JMJD1C: variants seen among roughly 807,000 people sequenced by gnomAD.
The protein encoded by JMJD1C is jumonji domain-containing protein 1C.
In JMJD1C, 31 loss-of-function variants were observed where a neutral mutation model predicts 245.3. The ratio of observed to expected loss-of-function variants is 0.13; its 90% CI spans 0.09 to 0.17. The LOEUF (loss-of-function observed/expected upper bound fraction) is 0.17, where lower values mean the gene tolerates loss of function less well. JMJD1C is among the 10% of genes least tolerant of loss of function. The probability of loss-of-function intolerance (pLI) is 1.00; values close to 1 mark genes in which losing one functional copy is unlikely to be tolerated. For missense variants in JMJD1C, 2,691 were observed against 3,000.2 expected (o/e 0.90, Z 2.41); for synonymous variants, 1,057 against 1,017.4 (o/e 1.04, Z -0.74).
At chr10:63,413,296 T>C (rs1186712393) in intron 1 of JMJD1C, among the ~76,000 whole-genome samples, 2 of 152,212 alleles carry the variant, frequency 1.3e-5, no homozygotes, top group African/African-American at 4.8e-5. Flanking sequence ...TGGTCTGCTG[T>C]TGAGTATCAA....
intron 2 of JMJD1C, chr10:63,373,028 C>A: frequency 4.5e-6 from 1 of 221,336 alleles, no homozygotes; most frequent in East Asian, 1.6e-4. Context: ...GGAGCCAGGG[C>A]CCTAACCCAG....
intron 1 of JMJD1C, among the ~76,000 whole-genome samples, chr10:63,452,231 C>T (rs1952115287): frequency 6.6e-6 from 1 of 152,134 alleles, no homozygotes; most frequent in Non-Finnish European, 1.5e-5. Context: ...TAAAGAACTC[C>T]TATAACAAAG....
intron 1 of JMJD1C, among the ~76,000 whole-genome samples, chr10:63,421,194 C>T (rs1428303025): frequency 1.3e-5 from 2 of 151,890 alleles, no homozygotes; most frequent in East Asian, 1.9e-4. Context: ...ATTAGCCGGG[C>T]GTGGTGGCTC....
At chr10:63,301,577 C>T (rs9415687) in intron 2 of JMJD1C, among the ~76,000 whole-genome samples, 2,265 of 152,264 alleles carry the variant, frequency 0.015, 52 homozygotes, top group African/African-American at 0.051. Context: ...CCAAACACCG[C>T]GTGTTTTCAC....
rs200418707 is a variant in JMJD1C at position 63,213,629 on chromosome 10, T to C, written c.2538A>G (p.Gly846=). ...TATATGAAGCAGAAGGATGGGCTTG[T>C]CCAAGAAGATGAGGTGACTGGTGCT... ...LLQHQSPHLL[G]QAHPSASYNQ... is the part of the protein sequence containing the mutation. Residue 846 remains glycine, a synonymous_variant, in exon 8 of 26, where the codon GGA becomes GGG. Coordinates refer to ENST00000399262, the MANE Select transcript of JMJD1C (RefSeq NM_032776.3). 751 of 1,614,054 alleles carry C rather than the reference T, an allele frequency of 4.7e-4. 1 individual carries two copies. Among genetic ancestry groups the C allele is most frequent in the Non-Finnish European group, 5.0e-4 (592 of 1,180,010 alleles).
chr10:63,423,170 A>C (rs1317940299), intron 1 of JMJD1C, among the ~76,000 whole-genome samples: 1 of 152,068 alleles, frequency 6.6e-6, no homozygotes, highest in Non-Finnish European at 1.5e-5. Flanking sequence ...TCACCATGTT[A>C]GCCAGGCTGT....
At chr10:63,521,675 CG>C in intron 1 of JMJD1C, 1 of 894,774 alleles carries the variant, frequency 1.1e-6, no homozygotes, top group Non-Finnish European at 1.5e-6. Flanking sequence ...TGGGCCTGGG[CG>C]GGGACGGGGT....
intron 1 of JMJD1C, among the ~76,000 whole-genome samples, chr10:63,426,754 T>C (rs992832557): frequency 6.6e-6 from 1 of 152,030 alleles, no homozygotes; most frequent in East Asian, 1.9e-4. Flanking sequence ...AGAAAGAAAA[T>C]GAAATATATG....
At chr10:63,439,773 C>T (rs1020333925) in intron 1 of JMJD1C, among the ~76,000 whole-genome samples, 1 of 152,178 alleles carries the variant, frequency 6.6e-6, no homozygotes, top group Admixed American at 6.5e-5. Context: ...AAAAAAGTCA[C>T]TTATATGTCA....
In JMJD1C at chr10:63,167,847, T is replaced by C. The variant is rs549826240; in HGVS notation, c.*198A>G. On this transcript the variant is annotated 3_prime_UTR_variant, in exon 26 of 26. Coordinates refer to ENST00000399262, the MANE Select transcript of JMJD1C (RefSeq NM_032776.3). The stretch of plus-strand genomic sequence containing the variant: ...CTATATAGTGCTGCTTTTAAAATTC[T>C]GCTTGTTTTATAACATTGAATCACA... The C allele has an allele frequency of 1.1e-4, 56 of 498,122 alleles. No individual in the cohort carries two copies. The highest frequency in any genetic ancestry group is 6.1e-4 in the Admixed American group (18 of 29,458). The allele number at this position is 498,122 out of a possible 1,614,324, so 30.9% of individuals were successfully genotyped here.
rs1564583782 is a variant in JMJD1C, at chr10:63,194,392, CTT to C, written c.5645-19_5645-18del. On this transcript the variant is annotated intron_variant, in intron 13 of 25. Transcript: ENST00000399262. ...GTTCTTTATCTGTAAGATAATAAAA[CTT>C]GTATATCACACTCATGGTTTCATAA... The C allele has an allele frequency of 4.2e-6, 6 of 1,439,008 alleles. No homozygotes were observed. In the South Asian group the frequency reaches 5.7e-5, roughly 14 times the overall value. The allele number at this position is 1,439,008 out of a possible 1,614,324, so 89.1% of individuals were successfully genotyped here.
At chr10:63,209,330 G>T in intron 8 of JMJD1C, 95 bp from the exon 9 acceptor site, 1 of 937,262 alleles carries the variant, frequency 1.1e-6, no homozygotes, top group African/African-American at 1.7e-5. Flanking sequence ...GATCTTGGTG[G>T]TTTATTAGTT....
At chr10:63,237,009 A>T (rs1363002185) in intron 3 of JMJD1C, among the ~76,000 whole-genome samples, 1 of 152,020 alleles carries the variant, frequency 6.6e-6, no homozygotes, top group African/African-American at 2.4e-5. Context: ...TCAATGATTG[A>T]TTCATACAGA....
intron 3 of JMJD1C, among the ~76,000 whole-genome samples, chr10:63,224,464 C>CT (rs1257416780): frequency 6.6e-6 from 1 of 152,212 alleles, no homozygotes; most frequent in East Asian, 1.9e-4. Context: ...ATTCCTCCCC[C>CT]TCGTCTACAT....
intron 1 of JMJD1C, among the ~76,000 whole-genome samples, chr10:63,399,559 T>C (rs1948723988): frequency 6.6e-6 from 1 of 152,182 alleles, no homozygotes; most frequent in Admixed American, 6.5e-5. Context: ...TGCAACAACA[T>C]AAACTCATTT....
chr10:63,487,632 T>C (rs1443554568), intron 1 of JMJD1C, among the ~76,000 whole-genome samples: 1 of 152,134 alleles, frequency 6.6e-6, no homozygotes, highest in Non-Finnish European at 1.5e-5. Flanking sequence ...AAGACACTGA[T>C]CAGAGTTAAG....
intron 2 of JMJD1C, among the ~76,000 whole-genome samples, chr10:63,315,621 C>T (rs759148967): frequency 6.6e-6 from 1 of 151,626 alleles, no homozygotes; most frequent in Non-Finnish European, 1.5e-5. Flanking sequence ...GCGGGCGGGT[C>T]ACAAGGTCAG....
intron 3 of JMJD1C, among the ~76,000 whole-genome samples, chr10:63,256,094 A>T (rs1398537500): frequency 1.3e-5 from 2 of 152,148 alleles, no homozygotes; most frequent in African/African-American, 4.8e-5. Context: ...AGACTGGCAG[A>T]TTTTTCAGCA....
chr10:63,265,515 GA>G (rs1456757161), intron 2 of JMJD1C, among the ~76,000 whole-genome samples: 1 of 152,142 alleles, frequency 6.6e-6, no homozygotes, highest in Non-Finnish European at 1.5e-5. Context: ...GCCAGGGTAG[GA>G]AGAGGAAGGA....
Sources: gnomAD v4.1 joint callset for allele counts (sites outside exome capture counted in the v4.1 genomes callset) on GRCh38, gnomAD v4.1.1 for gene constraint, MANE v1.5 for transcripts, NCBI Gene and HGNC (gene_info 2026-07-23, HGNC 2026-07-21) for gene names.